Variants in DLGAP2 observed in about 807,000 individuals in gnomAD.
DLGAP2 encodes the protein disks large-associated protein 2.
A neutral mutation model predicts 100.3 loss-of-function variants in DLGAP2; 26 were observed. The observed-to-expected ratio is 0.26, with a 90% confidence interval of 0.19 to 0.36. The LOEUF (loss-of-function observed/expected upper bound fraction) is 0.36, where lower values mean the gene tolerates loss of function less well. DLGAP2 is among the 10% of genes least tolerant of loss of function. The probability of loss-of-function intolerance (pLI) is 1.00; values close to 1 mark genes in which losing one functional copy is unlikely to be tolerated. For synonymous variants in DLGAP2, 886 were observed against 630.1 expected (o/e 1.41, Z -6.08); for missense variants, 1,858 against 1,453.2 (o/e 1.28, Z -4.53).
intron 3 of DLGAP2, among the ~76,000 whole-genome samples, chr8:1,490,754 C>T (rs896486641): frequency 5.9e-5 from 9 of 152,180 alleles, no homozygotes; most frequent in Admixed American, 5.9e-4. Flanking sequence ...AATCTCTGGG[C>T]TGGGGCATGA....
chr8:1,459,832 C>G lies in DLGAP2; in HGVS notation c.107-41534C>G, dbSNP rs369543456. 1.1e-4 allele frequency among the ~76,000 whole-genome samples: 17 copies of G among 151,998 alleles called. 1 individual carries two copies. In the South Asian group the frequency reaches 3.5e-3, roughly 32 times the overall value. ...TCCCGAGTAGCGGGAATTGCAGGTG[C>G]GCACCACCACGCCCGGCTAATTTTT... On this transcript the variant is annotated intron_variant, in intron 3 of 14. Coordinates refer to ENST00000637795, the MANE Select transcript of DLGAP2 (RefSeq NM_001346810.2).
At chr8:894,742 G>T in intron 1 of DLGAP2, among the ~76,000 whole-genome samples, 1 of 135,386 alleles carries the variant, frequency 7.4e-6, no homozygotes, top group African/African-American at 2.9e-5. Context: ...GGGCAGGGTG[G>T]GGAGAGCGGA....
intron 2 of DLGAP2, among the ~76,000 whole-genome samples, chr8:1,116,765 C>T (rs1262426963): frequency 1.3e-5 from 2 of 152,106 alleles, no homozygotes; most frequent in East Asian, 1.9e-4. Context: ...TGTGCCACTG[C>T]ACTCCAGCCT....
chr8:1,579,008 A>G (rs1232091342), intron 6 of DLGAP2, among the ~76,000 whole-genome samples: 1 of 152,230 alleles, frequency 6.6e-6, no homozygotes, highest in Non-Finnish European at 1.5e-5. Flanking sequence ...TAGCTTATGT[A>G]TTAGTGATTG....
chr8:1,176,313 C>G (rs952069784), intron 2 of DLGAP2, among the ~76,000 whole-genome samples: 3 of 152,216 alleles, frequency 2.0e-5, no homozygotes, highest in East Asian at 3.9e-4. Context: ...CAGACACTTT[C>G]CTCAGGTTCC....
intron 2 of DLGAP2, among the ~76,000 whole-genome samples, chr8:945,678 C>T (rs1799299750): frequency 6.6e-6 from 1 of 152,136 alleles, no homozygotes; most frequent in Non-Finnish European, 1.5e-5. Flanking sequence ...AAGGAATGAA[C>T]ATTGAGTCAT....
intron 2 of DLGAP2, among the ~76,000 whole-genome samples, chr8:1,126,103 T>C (rs187629119): frequency 6.6e-5 from 10 of 152,208 alleles, no homozygotes; most frequent in Non-Finnish European, 1.3e-4. Context: ...AAAATCCCAG[T>C]GTCTGATGGC....
At chr8:1,437,554 A>G (rs897714517) in intron 3 of DLGAP2, among the ~76,000 whole-genome samples, 1 of 152,222 alleles carries the variant, frequency 6.6e-6, no homozygotes, top group Non-Finnish European at 1.5e-5. Flanking sequence ...TGGATGGATC[A>G]GAGTACACAG....
chr8:1,533,933 C>A (rs371731735), intron 4 of DLGAP2, among the ~76,000 whole-genome samples: 1 of 152,162 alleles, frequency 6.6e-6, no homozygotes, highest in African/African-American at 2.4e-5. Flanking sequence ...CCAGACTGGG[C>A]AGCAGAGCAA....
chr8:1,579,988 C>T (rs1157075643), intron 6 of DLGAP2, among the ~76,000 whole-genome samples: 1 of 152,310 alleles, frequency 6.6e-6, no homozygotes, highest in Non-Finnish European at 1.5e-5. Context: ...CTGATGGCCT[C>T]AACACCTCCA....
intron 2 of DLGAP2, among the ~76,000 whole-genome samples, chr8:1,199,418 T>C (rs1425998040): frequency 1.3e-5 from 2 of 152,158 alleles, no homozygotes; most frequent in Admixed American, 1.3e-4. Context: ...AGTGAGCGCT[T>C]ATTACAAATT....
intron 1 of DLGAP2, among the ~76,000 whole-genome samples, chr8:853,381 G>A (rs1056478282): frequency 1.3e-5 from 2 of 152,218 alleles, no homozygotes; most frequent in African/African-American, 4.8e-5. Context: ...TGAGAGACAC[G>A]GTGCCCAGGG....
chr8:1,027,892 C>T (rs535105539), intron 2 of DLGAP2, among the ~76,000 whole-genome samples: 3 of 144,450 alleles, frequency 2.1e-5, no homozygotes, highest in East Asian at 4.4e-4. Context: ...GGTGGGGTGC[C>T]AGGCGCCCGT....
At chr8:1,420,324 G>C (rs944638122) in intron 3 of DLGAP2, among the ~76,000 whole-genome samples, 8 of 152,146 alleles carry the variant, frequency 5.3e-5, no homozygotes, top group Admixed American at 4.6e-4. Context: ...GGTTTTAGGA[G>C]CTCTGAGCAA....
At chr8:967,820 A>T (rs796606909) in intron 2 of DLGAP2, among the ~76,000 whole-genome samples, 1,638 of 3,496 alleles carry the variant, frequency 0.47, 149 homozygotes, top group Admixed American at 0.51. Context: ...ACACCACTAT[A>T]TATATATATA....
chr8:946,905 G>A (rs1799339622), intron 2 of DLGAP2, among the ~76,000 whole-genome samples: 1 of 152,184 alleles, frequency 6.6e-6, no homozygotes, highest in African/African-American at 2.4e-5. Context: ...CATAAAGCAG[G>A]AGGAAAAGCC....
At chr8:1,224,844 A>G (rs1299838016) in intron 2 of DLGAP2, among the ~76,000 whole-genome samples, 1 of 152,220 alleles carries the variant, frequency 6.6e-6, no homozygotes, top group East Asian at 1.9e-4. Context: ...GCTTAAAACT[A>G]TGAGTCCCTG....
intron 8 of DLGAP2, among the ~76,000 whole-genome samples, chr8:1,633,814 C>A (rs1026890505): frequency 2.6e-5 from 4 of 152,134 alleles, no homozygotes; most frequent in Non-Finnish European, 5.9e-5. Context: ...TGGAATGCTG[C>A]AGCTGTATCT....
At chr8:1,216,051 C>G (rs543709194) in intron 2 of DLGAP2, among the ~76,000 whole-genome samples, 1 of 152,330 alleles carries the variant, frequency 6.6e-6, no homozygotes, top group South Asian at 2.1e-4. Context: ...TCTGGTGCAT[C>G]TGTGCATTGG....
Sources: allele counts gnomAD v4.1 joint callset (sites outside exome capture counted in the v4.1 genomes callset), GRCh38; gene constraint gnomAD v4.1.1; transcripts MANE v1.5; gene names NCBI Gene and HGNC (gene_info 2026-07-23, HGNC 2026-07-21).